The following ZNF423 variants were observed in gnomAD, a reference collection of about 807,000 sequenced individuals.
ZNF423 encodes the protein zinc finger protein 423.
A neutral mutation model predicts 95.8 loss-of-function variants in ZNF423; 12 were observed. That is an observed-to-expected ratio of 0.13 (90% CI 0.08 to 0.20). ZNF423 has a LOEUF of 0.20. Among genes scored for constraint, ZNF423 ranks in the 10% least tolerant of loss-of-function variants. ZNF423 has a pLI of 1.00. For synonymous variants in ZNF423, 749 were observed against 711.9 expected, an observed-to-expected ratio of 1.05 and a Z score of -0.83; for missense variants, 1,316 against 1,737.1, an observed-to-expected ratio of 0.76 and a Z score of 4.31.
At chr16:49,807,167 C>T (rs2034677527) in intron 1 of ZNF423, among the ~76,000 whole-genome samples, 2 of 152,154 alleles carry the variant, frequency 1.3e-5, no homozygotes, top group South Asian at 2.1e-4. Flanking sequence ...GGCGGTGGCT[C>T]ACGCCTGTAA....
rs2035347431 is a variant in ZNF423 at position 49,855,176 on chromosome 16, C to CGCCCGGGGCGCTCGCCGACAGT, written c.40+558_40+559insACTGTCGGCGAGCGCCCCGGGC. On this transcript the variant is annotated intron_variant, in intron 1 of 7. Transcript: ENST00000563137. The surrounding 1 kb of genome is among the most constrained non-coding windows in gnomAD (Gnocchi z 4.7). ...CCAGGCGGCCGGGGCGAGGGCGCGGCGCCCGGGGCGCTCGCCGACAGCGCC... is the reference window on the plus strand; with the variant it reads ...CCAGGCGGCCGGGGCGAGGGCGCGGCGCCCGGGGCGCTCGCCGACAGTGCCCGGGGCGCTCGCCGACAGCGCC... 6.7e-6 allele frequency among the ~76,000 whole-genome samples: 1 copy of CGCCCGGGGCGCTCGCCGACAGT among 149,714 alleles called. No individual in the cohort carries two copies. Among genetic ancestry groups the CGCCCGGGGCGCTCGCCGACAGT allele is most frequent in the Non-Finnish European group, 1.5e-5 (1 of 67,144 alleles).
chr16:49,700,233 G>GAAGAAA (rs1555473679), intron 3 of ZNF423, among the ~76,000 whole-genome samples: 11 of 140,918 alleles, frequency 7.8e-5, no homozygotes, highest in African/African-American at 2.1e-4. Flanking sequence ...AGAAGAAGAA[G>GAAGAAA]AAAAAAAGAA....
intron 3 of ZNF423, among the ~76,000 whole-genome samples, chr16:49,728,975 C>T (rs1259390697): frequency 6.6e-6 from 1 of 152,142 alleles, no homozygotes; most frequent in Non-Finnish European, 1.5e-5. Flanking sequence ...TCGTGATCCG[C>T]CTGCCTCAGC....
chr16:49,586,300 T>C (rs1970833164), intron 5 of ZNF423, among the ~76,000 whole-genome samples: 2 of 152,126 alleles, frequency 1.3e-5, no homozygotes, highest in African/African-American at 4.8e-5. Flanking sequence ...AACATTTTCC[T>C]CTGCTCAGTA....
intron 2 of ZNF423, chr16:49,731,284 A>G: frequency 1.0e-6 from 1 of 983,736 alleles, no homozygotes; most frequent in Non-Finnish European, 1.2e-6. Flanking sequence ...TAAAAACCAG[A>G]TTCAGTTACA....
chr16:49,795,630 G>A (rs1286588119), intron 1 of ZNF423, among the ~76,000 whole-genome samples: 1 of 152,232 alleles, frequency 6.6e-6, no homozygotes, highest in Admixed American at 6.5e-5. Context: ...AGGAGCTCCT[G>A]CTAAAACACT....
intron 7 of ZNF423, among the ~76,000 whole-genome samples, chr16:49,514,462 C>T (rs1311406655): frequency 6.6e-6 from 1 of 152,102 alleles, no homozygotes; most frequent in Non-Finnish European, 1.5e-5. Context: ...TAAATGGAAT[C>T]AGGGCAAGGG....
At chr16:49,857,841 C>G (rs921054486), upstream of ZNF423, 1 of 152,252 alleles carries the variant, frequency 6.6e-6, no homozygotes, top group Non-Finnish European at 1.5e-5. This position sits in a 1 kb window ranked among gnomAD's most constrained non-coding sequence, Gnocchi z 6.2. Context: ...CAGGGGGCGC[C>G]GCGCGTCCCC....
rs531407495 is a variant in ZNF423 at position 49,487,845 on chromosome 16, C to G, written c.*3430G>C. The G allele has an allele frequency of 1.2e-4, 18 of 152,384 alleles. No individual in the cohort carries two copies. Among genetic ancestry groups the G allele is most frequent in the African/African-American group, 4.1e-4 (17 of 41,582 alleles). 9.4% of individuals were successfully genotyped at this position (152,384 alleles called of 1,614,324 possible). On this transcript the variant is annotated 3_prime_UTR_variant, in exon 8 of 8. Coordinates refer to ENST00000563137, the MANE Select transcript of ZNF423 (RefSeq NM_001379286.1). ...CTCCCTTATTTCTTCAGGTCTCAAG[C>G]CCCTGCCTCAGCAAGGCCTTCCTTA...
chr16:49,669,254 G>C (rs564437689), intron 3 of ZNF423, among the ~76,000 whole-genome samples: 1 of 151,866 alleles, frequency 6.6e-6, no homozygotes, highest in Non-Finnish European at 1.5e-5. Flanking sequence ...ACTTGAACTC[G>C]GGAGGCGGAG....
chr16:49,558,474 G>A (rs1400708640), intron 5 of ZNF423, among the ~76,000 whole-genome samples: 1 of 152,212 alleles, frequency 6.6e-6, no homozygotes. Flanking sequence ...AGTGATGCAG[G>A]ATAAGAGGAG....
intron 2 of ZNF423, among the ~76,000 whole-genome samples, chr16:49,773,775 CA>C (rs2034075741): frequency 6.6e-6 from 1 of 152,138 alleles, no homozygotes; most frequent in Admixed American, 6.5e-5. Context: ...CTATGAAATA[CA>C]AGAATAATGA....
In ZNF423 at chr16:49,665,678, C is replaced by T. The variant is rs2030505004; in HGVS notation, c.302-26804G>A. Among the ~76,000 whole-genome samples the T allele has an allele frequency of 1.3e-5, 2 of 152,142 alleles. 1 individual carries two copies. The highest frequency in any genetic ancestry group is 4.8e-5 in the African/African-American group (2 of 41,440). Reference sequence around the variant, plus strand: ...GCCCAGCCCTGGTAGCACCGCCCCCCACCCCAGCTCACAGACTCGGGGAGC... The same window carrying T: ...GCCCAGCCCTGGTAGCACCGCCCCCTACCCCAGCTCACAGACTCGGGGAGC... On this transcript the variant is annotated intron_variant, in intron 3 of 7. Transcript: ENST00000563137.
chr16:49,493,252 C>T (rs1411604315), intron 7 of ZNF423, among the ~76,000 whole-genome samples: 1 of 152,156 alleles, frequency 6.6e-6, no homozygotes, highest in African/African-American at 2.4e-5. Context: ...CTCCTCCCTC[C>T]CAACCAAGCT....
chr16:49,509,152 C>T (rs985173503), intron 7 of ZNF423, among the ~76,000 whole-genome samples: 8 of 152,162 alleles, frequency 5.3e-5, no homozygotes, highest in African/African-American at 1.7e-4. Context: ...CTCGCTAAGT[C>T]GTCTAGCTGG....
At chr16:49,766,547 G>A (rs1190246070) in intron 2 of ZNF423, among the ~76,000 whole-genome samples, 2 of 152,186 alleles carry the variant, frequency 1.3e-5, no homozygotes, top group Non-Finnish European at 2.9e-5. Context: ...CAGGCTCTGG[G>A]GGACTCCCAG....
intron 3 of ZNF423, among the ~76,000 whole-genome samples, chr16:49,641,996 GT>G (rs1972989503): frequency 6.6e-6 from 1 of 152,142 alleles, no homozygotes; most frequent in Non-Finnish European, 1.5e-5. Context: ...GAATTTTATG[GT>G]ATGCAAATTA....
At chr16:49,579,678 G>A (rs1970605739) in intron 5 of ZNF423, among the ~76,000 whole-genome samples, 1 of 152,042 alleles carries the variant, frequency 6.6e-6, no homozygotes, top group Non-Finnish European at 1.5e-5. Flanking sequence ...GAGGGGCTGG[G>A]GAGGCAGGGA....
At chr16:49,793,783 A>T (rs904681221) in intron 1 of ZNF423, among the ~76,000 whole-genome samples, 1 of 152,160 alleles carries the variant, frequency 6.6e-6, no homozygotes, top group African/African-American at 2.4e-5. Flanking sequence ...GGGCAGGTGT[A>T]TGCACACAAG....
Sources: gnomAD v4.1 joint callset for allele counts (sites outside exome capture counted in the v4.1 genomes callset) on GRCh38, gnomAD v4.1.1 for gene constraint, Gnocchi (gnomAD v3.1) non-coding constraint, MANE v1.5 for transcripts, NCBI Gene and HGNC (gene_info 2026-07-23, HGNC 2026-07-21) for gene names.